Variants in CLIC5 observed in about 807,000 individuals in gnomAD.
CLIC5 encodes the protein CLIC family member 5, also known as chloride intracellular channel protein 5.
Under a neutral mutation model 24.7 loss-of-function variants are expected in CLIC5, and 20 were observed. That is an observed-to-expected ratio of 0.81 (90% CI 0.57 to 1.18). The LOEUF is 1.18. Among genes scored for constraint, CLIC5 ranks in the 50% most tolerant of loss-of-function variants. The pLI is 0.00. For missense variants in CLIC5, 341 were observed against 326.1 expected, an observed-to-expected ratio of 1.05 and a Z score of -0.35; for synonymous variants, 159 against 135.6, an observed-to-expected ratio of 1.17 and a Z score of -1.20.
At chr6:46,126,903 A>G in the CLIC5 span, among the ~76,000 whole-genome samples, 1 of 152,208 alleles carries the variant, frequency 6.6e-6, no homozygotes, top group Non-Finnish European at 1.5e-5. Context: ...AGTATAAAAG[A>G]GAAATAATTG....
intron 5 of CLIC5, 86 bp from the exon 6 acceptor site, chr6:45,903,341 C>T: frequency 7.7e-7 from 1 of 1,300,462 alleles, no homozygotes; most frequent in South Asian, 1.5e-5. Flanking sequence ...AGTGTGTGTG[C>T]ACTGCAGGAA....
At chr6:46,043,079 A>G (rs1376602419) in intron 1 of CLIC5, among the ~76,000 whole-genome samples, 2 of 152,198 alleles carry the variant, frequency 1.3e-5, no homozygotes, top group Non-Finnish European at 2.9e-5. Context: ...GATTCTACAT[A>G]GCCCACCCAT....
chr6:45,910,696 AC>A (rs1299165870), intron 5 of CLIC5, among the ~76,000 whole-genome samples: 22 of 152,160 alleles, frequency 1.4e-4, no homozygotes, highest in Middle Eastern at 3.2e-3. Flanking sequence ...CCATTAATTT[AC>A]TGTTGCTTGT....
At chr6:46,100,892 C>T in the CLIC5 span, among the ~76,000 whole-genome samples, 3 of 152,158 alleles carry the variant, frequency 2.0e-5, no homozygotes, top group African/African-American at 7.2e-5. Flanking sequence ...AGCTTAAACA[C>T]CACCTGGAGG....
chr6:46,005,646 A>G (rs2127436587), intron 1 of CLIC5, among the ~76,000 whole-genome samples: 1 of 152,212 alleles, frequency 6.6e-6, no homozygotes, highest in Admixed American at 6.5e-5. Flanking sequence ...CAGAATTCCT[A>G]TGCTAAAATT....
intron 1 of CLIC5, among the ~76,000 whole-genome samples, chr6:46,023,373 C>T (rs141593427): frequency 2.6e-5 from 4 of 152,154 alleles, no homozygotes; most frequent in Admixed American, 6.5e-5. Flanking sequence ...GGGTAAGTAA[C>T]TTATCCAAGG....
At chr6:46,097,059 A>G in the CLIC5 span, 1 of 152,208 alleles carries the variant, frequency 6.6e-6, no homozygotes, top group Non-Finnish European at 1.5e-5. Flanking sequence ...AGAATTACAC[A>G]TTTCATTCTT....
rs112608825 is a variant in CLIC5 at position 45,891,363 on chromosome 6, C to T, written c.624-10175G>A. 6.0e-3 allele frequency among the ~76,000 whole-genome samples: 909 copies of T among 152,076 alleles called. 6 individuals carry two copies. The highest frequency in any genetic ancestry group is 0.02 in the African/African-American group (833 of 41,470). ...ATTTTAAAAGAATGTGTGGACCGGG[C>T]GCAGTGGCTCACCCCGGTAATTCCA... On this transcript the variant is annotated intron_variant, in intron 6 of 6. Coordinates refer to the CLIC5 transcript ENST00000644324.
chr6:45,994,772 T>A (rs573257474), intron 1 of CLIC5, among the ~76,000 whole-genome samples: 45 of 152,254 alleles, frequency 3.0e-4, no homozygotes, highest in Non-Finnish European at 6.0e-4. Context: ...GCCTACACCT[T>A]TGACCTCCCT....
downstream of CLIC5, chr6:45,880,935 T>A: frequency 2.6e-6 from 1 of 389,674 alleles, no homozygotes; most frequent in Non-Finnish European, 4.5e-6. Flanking sequence ...GAGCTAGACA[T>A]GAACTGCTAG....
chr6:45,927,058 G>A (rs558857011), intron 4 of CLIC5, among the ~76,000 whole-genome samples: 4 of 152,272 alleles, frequency 2.6e-5, no homozygotes, highest in South Asian at 2.1e-4. Context: ...CCACAGCGGG[G>A]ACAGGAAGTG....
chr6:45,953,851 T>C (rs1367166053), intron 2 of CLIC5, among the ~76,000 whole-genome samples: 3 of 152,076 alleles, frequency 2.0e-5, no homozygotes, highest in Non-Finnish European at 4.4e-5. Context: ...TTGAACCAGT[T>C]GTAGGCTTTG....
chr6:46,082,803 T>C (rs77641526), upstream of CLIC5, among the ~76,000 whole-genome samples: 4 of 148,292 alleles, frequency 2.7e-5, no homozygotes, highest in East Asian at 4.1e-4. Context: ...TACCCTACTT[T>C]CCCCCCCTTT....
downstream of CLIC5, among the ~76,000 whole-genome samples, chr6:45,896,982 G>T (rs926779395): frequency 1.3e-5 from 2 of 152,168 alleles, no homozygotes; most frequent in African/African-American, 4.8e-5. Flanking sequence ...TGGGGTAAAA[G>T]AAAATCACCA....
At chr6:46,027,951 C>T (rs941777616) in intron 1 of CLIC5, among the ~76,000 whole-genome samples, 2 of 152,116 alleles carry the variant, frequency 1.3e-5, no homozygotes, top group East Asian at 1.9e-4. Flanking sequence ...TTTGTCACCT[C>T]GTAAATGGAA....
upstream of CLIC5, among the ~76,000 whole-genome samples, chr6:46,084,770 A>T (rs1198030974): frequency 6.6e-6 from 1 of 152,112 alleles, no homozygotes; most frequent in African/African-American, 2.4e-5. Flanking sequence ...GCTTTTCTCG[A>T]GGAGAATCTT....
intron 1 of CLIC5, among the ~76,000 whole-genome samples, chr6:46,073,009 G>A (rs1417424889): frequency 6.6e-6 from 1 of 152,198 alleles, no homozygotes; most frequent in Non-Finnish European, 1.5e-5. Context: ...ACAGCCCAAT[G>A]TACTAGCTTG....
At chr6:46,001,761 A>C (rs543189806) in intron 1 of CLIC5, among the ~76,000 whole-genome samples, 1 of 152,224 alleles carries the variant, frequency 6.6e-6, no homozygotes, top group African/African-American at 2.4e-5. Flanking sequence ...GCCACTTTCC[A>C]TGGGACCTTG....
chr6:46,115,262 A>G, the CLIC5 span, among the ~76,000 whole-genome samples: 1 of 152,208 alleles, frequency 6.6e-6, no homozygotes, highest in Non-Finnish European at 1.5e-5. Context: ...AGCTCCTAGA[A>G]AAGAGGTCAG....
Sources: gnomAD v4.1 joint callset for allele counts (sites outside exome capture counted in the v4.1 genomes callset) on GRCh38, gnomAD v4.1.1 for gene constraint, MANE v1.5 for transcripts, NCBI Gene and HGNC (gene_info 2026-07-23, HGNC 2026-07-21) for gene names.